Variants in TBCA observed in about 807,000 individuals in gnomAD.
TBCA encodes the protein tubulin folding cofactor A.
TBCA carries 6 observed loss-of-function variants against 15.8 expected under a neutral mutation model. The observed-to-expected ratio is 0.38, with a 90% CI of 0.21 to 0.75. The LOEUF (loss-of-function observed/expected upper bound fraction) is 0.75, where lower values mean the gene tolerates loss of function less well. Ranked by LOEUF, TBCA falls within the 30% of genes least tolerant of loss-of-function variation. The pLI, the probability that TBCA is intolerant of heterozygous loss-of-function variation, is 0.46. For synonymous variants in TBCA, 32 were observed against 42.3 expected, an observed-to-expected ratio of 0.76 and a Z score of 0.94; for missense variants, 90 against 131.2, an observed-to-expected ratio of 0.69 and a Z score of 1.53.
At chr5:77,726,799 T>G (rs1459495546) in intron 1 of TBCA, among the ~76,000 whole-genome samples, 1 of 152,166 alleles carries the variant, frequency 6.6e-6, no homozygotes, top group Non-Finnish European at 1.5e-5. Context: ...GGCTGCAAAC[T>G]CAGTGTTTCA....
At chr5:77,723,264 T>C (rs186594200) in intron 1 of TBCA, among the ~76,000 whole-genome samples, 147 of 151,998 alleles carry the variant, frequency 9.7e-4, no homozygotes, top group Middle Eastern at 6.8e-3. Context: ...TATAAAGTAT[T>C]ACAATTTTTT....
chr5:77,730,081 G>C (rs1212524321), intron 1 of TBCA, among the ~76,000 whole-genome samples: 1 of 152,156 alleles, frequency 6.6e-6, no homozygotes, highest in African/African-American at 2.4e-5. Flanking sequence ...TGGATATTCT[G>C]AAAGACTCTA....
At chr5:77,747,807 T>TA (rs1357852365) in intron 1 of TBCA, among the ~76,000 whole-genome samples, 3 of 152,176 alleles carry the variant, frequency 2.0e-5, no homozygotes, top group Admixed American at 2.0e-4. Context: ...GTTTAGATTT[T>TA]AGATTTTTGA....
intron 1 of TBCA, among the ~76,000 whole-genome samples, chr5:77,711,520 T>G (rs570783433): frequency 1.3e-5 from 2 of 152,324 alleles, no homozygotes; most frequent in African/African-American, 4.8e-5. Context: ...AGGCACTCAA[T>G]GTTGGTTGAA....
chr5:77,768,282 T>C (rs1360066511), intron 1 of TBCA, among the ~76,000 whole-genome samples: 2 of 152,328 alleles, frequency 1.3e-5, no homozygotes, highest in Non-Finnish European at 2.9e-5. Context: ...CTAAGTGCTT[T>C]ACATGATTAC....
At chr5:77,698,478 T>C (rs1397910082) in intron 2 of TBCA, among the ~76,000 whole-genome samples, 3 of 152,200 alleles carry the variant, frequency 2.0e-5, no homozygotes, top group Admixed American at 6.5e-5. Context: ...ATTTAAAAAA[T>C]ACTTTTTCTC....
chr5:77,698,260 GGATA>G (rs1745919267), intron 2 of TBCA, among the ~76,000 whole-genome samples: 1 of 150,744 alleles, frequency 6.6e-6, no homozygotes, highest in Non-Finnish European at 1.5e-5. Context: ...CCGAAATAGA[GGATA>G]TCATTACGGA....
chr5:77,710,950 C>T (rs1323243735), intron 1 of TBCA, among the ~76,000 whole-genome samples: 2 of 151,960 alleles, frequency 1.3e-5, no homozygotes, highest in Non-Finnish European at 2.9e-5. Context: ...GACTAAATTC[C>T]CCTAGTAATG....
At chr5:77,726,456 G>A (rs1746632769) in intron 1 of TBCA, among the ~76,000 whole-genome samples, 1 of 152,146 alleles carries the variant, frequency 6.6e-6, no homozygotes, top group Admixed American at 6.5e-5. Flanking sequence ...GAGAAAAATA[G>A]TTGAACAATA....
intron 1 of TBCA, among the ~76,000 whole-genome samples, chr5:77,756,274 A>T (rs527840685): frequency 6.6e-6 from 1 of 152,246 alleles, no homozygotes; most frequent in Admixed American, 6.5e-5. Context: ...CAAAGTGCAG[A>T]GTGACCAGCT....
intron 1 of TBCA, among the ~76,000 whole-genome samples, chr5:77,741,173 C>T (rs1747021219): frequency 6.6e-6 from 1 of 152,130 alleles, no homozygotes; most frequent in African/African-American, 2.4e-5. Flanking sequence ...TAAGAAGTGA[C>T]TAGGAGGTAG....
chr5:77,751,056 T>C (rs1205595531), intron 1 of TBCA, among the ~76,000 whole-genome samples: 2 of 152,144 alleles, frequency 1.3e-5, no homozygotes, highest in Admixed American at 6.5e-5. Flanking sequence ...TAGACTGTAA[T>C]TGTTATCACA....
intron 2 of TBCA, among the ~76,000 whole-genome samples, chr5:77,701,724 T>TATATG (rs1243169575): frequency 7.4e-6 from 1 of 134,528 alleles, no homozygotes; most frequent in Non-Finnish European, 1.6e-5. Flanking sequence ...TATATATATA[T>TATATG]ATGATGGAAT....
chr5:77,772,576 G>C (rs935461783), intron 1 of TBCA, among the ~76,000 whole-genome samples: 1 of 152,040 alleles, frequency 6.6e-6, no homozygotes, highest in Non-Finnish European at 1.5e-5. Flanking sequence ...GAGACAATAG[G>C]GGACAATATT....
At chr5:77,699,372 G>T (rs1745952659) in intron 2 of TBCA, among the ~76,000 whole-genome samples, 1 of 152,066 alleles carries the variant, frequency 6.6e-6, no homozygotes, top group Non-Finnish European at 1.5e-5. Flanking sequence ...CATCAGTACA[G>T]AATCAAAACA....
intron 1 of TBCA, among the ~76,000 whole-genome samples, chr5:77,719,283 G>A (rs1335588295): frequency 1.3e-5 from 2 of 152,050 alleles, no homozygotes; most frequent in Non-Finnish European, 2.9e-5. Context: ...AAATACAATC[G>A]TATGTTTAAA....
chr5:77,718,944 GATCCTTTGTCTATGT>G (rs2112453003), intron 1 of TBCA, among the ~76,000 whole-genome samples: 1 of 152,228 alleles, frequency 6.6e-6, no homozygotes, highest in Non-Finnish European at 1.5e-5. Context: ...TGACACTGTG[GATCCTTTGTCTATGT>G]ATCTTCATAG....
At chr5:77,758,682 G>A (rs537320986) in intron 1 of TBCA, among the ~76,000 whole-genome samples, 2 of 152,156 alleles carry the variant, frequency 1.3e-5, no homozygotes, top group South Asian at 2.1e-4. Flanking sequence ...CTGCCTTCAT[G>A]TGTAGTGCTC....
At chr5:77,771,203 T>C (rs1015604903) in intron 1 of TBCA, among the ~76,000 whole-genome samples, 14 of 151,418 alleles carry the variant, frequency 9.2e-5, no homozygotes, top group African/African-American at 3.4e-4. Context: ...CAAGAATTAG[T>C]CCTCAGGAAA....
Sources: allele counts gnomAD v4.1 joint callset (sites outside exome capture counted in the v4.1 genomes callset), GRCh38; gene constraint gnomAD v4.1.1; transcripts MANE v1.5; gene names NCBI Gene and HGNC (gene_info 2026-07-23, HGNC 2026-07-21).